PPP6R3: variants seen among roughly 807,000 people sequenced by gnomAD.
The protein encoded by PPP6R3 is protein phosphatase 6 regulatory subunit 3, also known as serine/threonine-protein phosphatase 6 regulatory subunit 3.
Under a neutral mutation model 110.7 loss-of-function variants are expected in PPP6R3, and 38 were observed. That is an observed-to-expected ratio of 0.34 (90% confidence interval 0.26 to 0.45). The LOEUF (loss-of-function observed/expected upper bound fraction) is 0.45, where lower values mean the gene tolerates loss of function less well. PPP6R3 is among the 20% of genes least tolerant of loss of function. The pLI, the probability that PPP6R3 is intolerant of heterozygous loss-of-function variation, is 1.00. For missense variants in PPP6R3, 870 were observed against 1,062.4 expected (o/e 0.82, Z 2.52); for synonymous variants, 369 against 373.5 (o/e 0.99, Z 0.14).
chr11:68,611,109 G>A (rs1943196564), intron 23 of PPP6R3, among the ~76,000 whole-genome samples: 1 of 152,160 alleles, frequency 6.6e-6, no homozygotes, highest in South Asian at 2.1e-4. Flanking sequence ...AGGCAGGGTG[G>A]CCCTCTAGCA....
Position 68,573,622 on chromosome 11 carries a change from A to G in PPP6R3, c.1344-487A>G, listed in dbSNP as rs891850055. 1.1e-4 allele frequency among the ~76,000 whole-genome samples: 16 copies of G among 152,346 alleles called. No individual in the cohort carries two copies. The East Asian group carries it at 3.1e-3, about 29-fold the overall frequency. On this transcript the variant is annotated intron_variant, in intron 12 of 23. Transcript: ENST00000393800. Reference sequence around the variant, plus strand: ...ATCAGCTAATATCTTAACTTGAGACATGTCATTGGTAGATAATTATTTCTA... The same window carrying G: ...ATCAGCTAATATCTTAACTTGAGACGTGTCATTGGTAGATAATTATTTCTA...
In PPP6R3 at chr11:68,561,614, A is replaced by G. The variant is rs115190039; in HGVS notation, c.846-2689A>G. Among the ~76,000 whole-genome samples the G allele has an allele frequency of 7.1e-3, 1,086 of 152,352 alleles. 13 individuals are homozygous for G. Among genetic ancestry groups the G allele is most frequent in the African/African-American group, 0.025 (1,032 of 41,570 alleles). The stretch of plus-strand genomic sequence containing the variant: ...GAATGCAAGGCTCATTCATCCTTCA[A>G]AATCTTCACATCAACAGACAGCAGA... On this transcript the variant is annotated intron_variant, in intron 8 of 23. Transcript: ENST00000393800.
At chr11:68,505,878 A>T (rs1048389044) in intron 1 of PPP6R3, among the ~76,000 whole-genome samples, 5 of 152,146 alleles carry the variant, frequency 3.3e-5, no homozygotes, top group Non-Finnish European at 5.9e-5. Context: ...TAGAATTGCC[A>T]GCTACACATT....
At position 68,613,827 on chromosome 11, in the gene PPP6R3, T is replaced by G. The variant is rs1333374936; in HGVS notation, c.*710T>G. On this transcript the variant is annotated 3_prime_UTR_variant, in exon 24 of 24. Transcript: ENST00000393800. ...AGCCATATGTTCTGTTCAAGTCTTG[T>G]TTGCTTGAAATGATTATTCCTACAA... 2.6e-5 allele frequency: 26 copies of G among 985,796 alleles called. No homozygotes were observed. Among genetic ancestry groups the G allele is most frequent in the Non-Finnish European group, 2.9e-5 (24 of 829,848 alleles). 61.1% of individuals were successfully genotyped at this position (985,796 alleles called of 1,614,324 possible).
At chr11:68,513,838 G>A (rs1349759479) in intron 1 of PPP6R3, among the ~76,000 whole-genome samples, 2 of 152,184 alleles carry the variant, frequency 1.3e-5, no homozygotes, top group Non-Finnish European at 2.9e-5. Context: ...GTACATATGT[G>A]TAAAACAGTT....
Position 68,615,159 on chromosome 11 carries a change from T to G in PPP6R3, c.*2042T>G, listed in dbSNP as rs1215753049. On this transcript the variant is annotated 3_prime_UTR_variant, in exon 24 of 24. Coordinates refer to ENST00000393800, the MANE Select transcript of PPP6R3 (RefSeq NM_001164161.2). ...AAGGATATGACAATGGGGAGGACAG[T>G]TCTTTTGGAGGTTGGAGGGGCCAAG... 2 of 449,824 alleles carry G rather than the reference T, an allele frequency of 4.4e-6. No homozygotes were observed. The highest frequency in any genetic ancestry group is 9.0e-6 in the Non-Finnish European group (2 of 222,318). The allele number at this position is 449,824 out of a possible 1,614,324, so 27.9% of individuals were successfully genotyped here. A position where few individuals can be genotyped will look rare whatever the true frequency, so the allele number is the denominator to read the frequency against.
At chr11:68,612,199 G>A (rs571086818) in intron 23 of PPP6R3, among the ~76,000 whole-genome samples, 15 of 152,296 alleles carry the variant, frequency 9.8e-5, no homozygotes, top group African/African-American at 3.6e-4. Flanking sequence ...CAGAAGTCTC[G>A]ATTCCTATGT....
At chr11:68,562,743 T>A (rs1276897555) in intron 8 of PPP6R3, among the ~76,000 whole-genome samples, 2 of 152,256 alleles carry the variant, frequency 1.3e-5, no homozygotes, top group East Asian at 3.9e-4. Flanking sequence ...TTTTGCAGAT[T>A]ATGCAAAAAT....
chr11:68,551,428 C>T (rs896518913), intron 6 of PPP6R3, among the ~76,000 whole-genome samples: 1 of 152,172 alleles, frequency 6.6e-6, no homozygotes, highest in East Asian at 1.9e-4. Context: ...CTTTCTAGAG[C>T]CGGTATTTCA....
At chr11:68,507,284 T>G (rs144460579) in intron 1 of PPP6R3, among the ~76,000 whole-genome samples, 1 of 151,150 alleles carries the variant, frequency 6.6e-6, no homozygotes, top group East Asian at 1.9e-4. Flanking sequence ...GATTATTGAT[T>G]AACGGCTTAG....
chr11:68,486,067 CAAAA>C (rs1051750711), intron 1 of PPP6R3, among the ~76,000 whole-genome samples: 1 of 149,998 alleles, frequency 6.7e-6, no homozygotes, highest in Non-Finnish European at 1.5e-5. Flanking sequence ...AAAAGAGTCT[CAAAA>C]AGAAAAAAAT....
rs769296530 is a variant in PPP6R3, at chr11:68,478,647, G to GTTTTTTTTTTTTTTT, written c.-158+17831_-158+17845dup. Among the ~76,000 whole-genome samples, 498 of 50,506 alleles carry GTTTTTTTTTTTTTTT rather than the reference G, an allele frequency of 9.9e-3. 202 individuals are homozygous for GTTTTTTTTTTTTTTT. The highest frequency in any genetic ancestry group is 0.091 in the Middle Eastern group (2 of 22). The allele number at this position is 50,506 out of a possible 152,430, so 33.1% of individuals were successfully genotyped here. ...ACTGATGAGTTAGTGCACTTGGTAA[G>GTTTTTTTTTTTTTTT]TTTTTTTTTTTTTTTTTTTTTTTTT... On this transcript the variant is annotated intron_variant, in intron 1 of 23. Transcript: ENST00000393800.
At chr11:68,472,141 A>G (rs943703705) in intron 1 of PPP6R3, among the ~76,000 whole-genome samples, 1 of 152,148 alleles carries the variant, frequency 6.6e-6, no homozygotes, top group African/African-American at 2.4e-5. Flanking sequence ...TGCTTCATTT[A>G]ACTGGGGTTG....
At chr11:68,607,873 C>G (rs1941139778) in intron 22 of PPP6R3, among the ~76,000 whole-genome samples, 2 of 151,988 alleles carry the variant, frequency 1.3e-5, no homozygotes, top group South Asian at 4.2e-4. Context: ...TCCTGAGCTC[C>G]AGCAGTCCTC....
At position 68,543,967 on chromosome 11, in the gene PPP6R3, T is replaced by C. The variant is rs935263710; in HGVS notation, c.228-871T>C. On this transcript the variant is annotated intron_variant, in intron 3 of 23. Coordinates refer to ENST00000393800, the MANE Select transcript of PPP6R3 (RefSeq NM_001164161.2). ...GTAGAAGAGCCTGTGTGGGTCCATA[T>C]AGAGCAGGTGTCATGTTCTTAGCCG... Among the ~76,000 whole-genome samples the C allele has an allele frequency of 2.0e-5, 3 of 152,172 alleles. No homozygotes were observed. In the East Asian group the frequency reaches 5.8e-4, roughly 29 times the overall value.
chr11:68,477,385 A>G (rs1360167491), intron 1 of PPP6R3, among the ~76,000 whole-genome samples: 1 of 151,650 alleles, frequency 6.6e-6, no homozygotes, highest in Admixed American at 6.6e-5. Context: ...TGATGGCTCA[A>G]TTTATGCTTT....
chr11:68,612,158 A>AAGTT (rs377372629), intron 23 of PPP6R3, among the ~76,000 whole-genome samples: 2 of 152,228 alleles, frequency 1.3e-5, no homozygotes, highest in Non-Finnish European at 2.9e-5. Flanking sequence ...AAGTGAAGGC[A>AAGTT]AGTTAGTTAT....
At position 68,614,599 on chromosome 11, in the gene PPP6R3, CTTA is replaced by C. The variant is rs4988290; in HGVS notation, c.*1488_*1490del. ...AATAAAAGAATCAAACGTCTAATGC[CTTA>C]TTATTTCTGATTTCCTTTTTCATTT... is the stretch of plus-strand genomic sequence containing the variant. On this transcript the variant is annotated 3_prime_UTR_variant, in exon 24 of 24. Coordinates refer to ENST00000393800, the MANE Select transcript of PPP6R3 (RefSeq NM_001164161.2). 372,419 of 1,513,126 alleles carry C rather than the reference CTTA, an allele frequency of 0.25. 47,197 individuals are homozygous for C. The highest frequency in any genetic ancestry group is 0.29 in the Middle Eastern group (1,293 of 4,484). 93.7% of individuals were successfully genotyped at this position (1,513,126 alleles called of 1,614,324 possible).
intron 1 of PPP6R3, among the ~76,000 whole-genome samples, chr11:68,485,556 A>C (rs1231789219): frequency 6.6e-6 from 1 of 152,094 alleles, no homozygotes; most frequent in African/African-American, 2.4e-5. Context: ...GAAGCTTCTT[A>C]CTGTTCCTAG....
Sources: allele counts gnomAD v4.1 joint callset (sites outside exome capture counted in the v4.1 genomes callset), GRCh38; gene constraint gnomAD v4.1.1; transcripts MANE v1.5; gene names NCBI Gene and HGNC (gene_info 2026-07-23, HGNC 2026-07-21).